TTN: variants seen among roughly 807,000 people sequenced by gnomAD.
The protein encoded by TTN is connectin.
TTN carries 1,525 observed loss-of-function variants against 3,223.0 expected under a neutral mutation model. The ratio of observed to expected loss-of-function variants is 0.47; its 90% CI spans 0.45 to 0.49. TTN has a LOEUF of 0.49. TTN is among the 20% of genes least tolerant of loss of function. The probability of loss-of-function intolerance (pLI) is 0.00; values close to 1 mark genes in which losing one functional copy is unlikely to be tolerated. For synonymous variants in TTN, 14,094 were observed against 15,161.0 expected, an observed-to-expected ratio of 0.93 and a Z score of 5.17; for missense variants, 40,786 against 43,424.0, an observed-to-expected ratio of 0.94 and a Z score of 5.40.
At position 178,585,006 on chromosome 2, in the gene TTN, A is replaced by T. The variant is rs745815160; in HGVS notation, c.64673-38T>A. 1.9e-6 allele frequency: 3 copies of T among 1,606,378 alleles called. No individual in the cohort carries two copies. The Admixed American group carries it at 5.2e-5, about 28-fold the overall frequency. ...AGAGGAAAGAAATGTAAGAACAAGG[A>T]TTTGATACGTAAAAATATTTCTGAG... On this transcript the variant is annotated intron_variant, in intron 309 of 362. Coordinates refer to ENST00000589042, the MANE Select transcript of TTN (RefSeq NM_001267550.2).
chr2:178,663,955 A>T, intron 169 of TTN, 53 bp from the exon 170 acceptor site: 1 of 1,612,638 alleles, frequency 6.2e-7, no homozygotes, highest in Non-Finnish European at 8.5e-7. Context: ...CCGCTAGAAA[A>T]AAATATTGTC....
intron 33 of TTN, 128 bp from the exon 34 acceptor site, chr2:178,771,599 T>C (rs1287144615): frequency 1.5e-6 from 2 of 1,362,722 alleles, no homozygotes; most frequent in Non-Finnish European, 2.0e-6. Flanking sequence ...TGTCTATGAT[T>C]GTTTTTACCC....
At position 178,699,383 on chromosome 2, in the gene TTN, C is replaced by CTTTTTTTTTTTT. The variant is rs59989386; in HGVS notation, c.30683-481_30683-470dup. 2.7e-4 allele frequency among the ~76,000 whole-genome samples: 12 copies of CTTTTTTTTTTTT among 44,912 alleles called. 4 individuals carry two copies. Among genetic ancestry groups the CTTTTTTTTTTTT allele is most frequent in the Non-Finnish European group, 3.5e-4 (8 of 22,892 alleles). 29.5% of individuals were successfully genotyped at this position (44,912 alleles called of 152,430 possible). A position where few individuals can be genotyped will look rare whatever the true frequency, so the allele number is the denominator to read the frequency against. ...TTTGTATTCATGAATAAATAACACT[C>CTTTTTTTTTTTT]TTTTTTTTTTTTTTTTTTTTTTTTT... On this transcript the variant is annotated intron_variant, in intron 111 of 362. Coordinates refer to ENST00000589042, the MANE Select transcript of TTN (RefSeq NM_001267550.2).
At position 178,561,638 on chromosome 2, in the gene TTN, T is replaced by C. The variant is rs876658088; in HGVS notation, c.84494A>G (p.His28165Arg). The C allele has an allele frequency of 1.4e-5, 23 of 1,611,178 alleles. No individual in the cohort carries two copies. Among genetic ancestry groups the C allele is most frequent in the Non-Finnish European group, 2.0e-5 (23 of 1,178,588 alleles). ...PGPPGTPKVV[H>R]ATKSTMLVTW... is the part of the protein sequence containing the mutation. ...TACAAGCATGGTAGATTTTGTGGCA[T>C]GCACAACTTTAGGAGTACCAGGAGG... is the stretch of plus-strand genomic sequence containing the variant. Residue 28165 changes from histidine to arginine, a missense_variant, in exon 326 of 363, where the codon CAT becomes CGT. Coordinates refer to ENST00000589042, the MANE Select transcript of TTN (RefSeq NM_001267550.2).
chr2:178,751,268 G>T (rs747399267), intron 47 of TTN: 6 of 1,609,446 alleles, frequency 3.7e-6, no homozygotes, highest in Non-Finnish European at 4.2e-6. Context: ...CTCCATTAAT[G>T]TTTTTCTAGC....
Position 178,720,556 on chromosome 2 carries a change from C to A in TTN, c.23206G>T (p.Val7736Phe), listed in dbSNP as rs770301886. Residue 7736 changes from valine to phenylalanine, a missense_variant, in exon 80 of 363, where the codon GTT becomes TTT. Transcript: ENST00000589042. ...SGTPPFEVVW[V>F]KDRKQVRNSK... ...TTTCTAACCTGCTTTCGATCTTTAACCCATACTACTTCAAATGGGGGAGTT... is the reference window on the plus strand; with the variant it reads ...TTTCTAACCTGCTTTCGATCTTTAAACCATACTACTTCAAATGGGGGAGTT... 3.1e-6 allele frequency: 5 copies of A among 1,613,366 alleles called. No homozygotes were observed. The highest frequency in any genetic ancestry group is 3.3e-5 in the Admixed American group (2 of 59,980).
rs1357962957 is a variant in TTN, at chr2:178,733,030, G to T, written c.16146C>A (p.Gly5382=). The T allele has an allele frequency of 6.2e-7, 1 of 1,613,366 alleles. No individual in the cohort carries two copies. Among genetic ancestry groups the T allele is most frequent in the African/African-American group, 1.3e-5 (1 of 74,902 alleles). ...GTCRLDCKIA[G]SLPMRVSWFK... is the part of the protein sequence containing the mutation. Reference sequence around the variant, plus strand: ...ACCAGGACACCCTCATGGGGAGGGAGCCTGCAATTTTGCAGTCCAGTCTGC... The same window carrying T: ...ACCAGGACACCCTCATGGGGAGGGATCCTGCAATTTTGCAGTCCAGTCTGC... The change falls in exon 55 of 363, where the codon GGC becomes GGA. Residue 5382 remains glycine, a synonymous_variant. Coordinates refer to ENST00000589042, the MANE Select transcript of TTN (RefSeq NM_001267550.2).
chr2:178,721,402 T>C (rs1260834669), intron 78 of TTN, among the ~76,000 whole-genome samples, 200 bp from the exon 79 acceptor site: 1 of 151,926 alleles, frequency 6.6e-6, no homozygotes, highest in Non-Finnish European at 1.5e-5. Context: ...TTTTTTAAAA[T>C]TTATTATTAT....
Position 178,553,198 on chromosome 2 carries a change from TGAG to T in TTN, c.89699_89701del (p.Pro29900del). 1 of 1,613,826 alleles carries T rather than the reference TGAG, an allele frequency of 6.2e-7. No homozygotes were observed. Among genetic ancestry groups the T allele is most frequent in the Middle Eastern group, 1.7e-4 (1 of 6,060 alleles). On this transcript the variant is annotated inframe_deletion, in exon 335 of 363. Coordinates refer to ENST00000589042, the MANE Select transcript of TTN (RefSeq NM_001267550.2). Reference sequence around the variant, plus strand: ...TTTTCCTGTATCATTGCGAGTAACTTGAGGAATGGTGAGTAATGAGGATGAATC... The same window carrying T: ...TTTTCCTGTATCATTGCGAGTAACTTGAATGGTGAGTAATGAGGATGAATC...
Position 178,725,488 on chromosome 2 carries a change from C to G in TTN, c.20716G>C (p.Val6906Leu). 6.2e-7 allele frequency: 1 copy of G among 1,613,354 alleles called. No homozygotes were observed. Among genetic ancestry groups the G allele is most frequent in the Non-Finnish European group, 8.5e-7 (1 of 1,179,544 alleles). Residue 6906 changes from valine to leucine, a missense_variant, in exon 71 of 363, where the codon GTG becomes CTG. Coordinates refer to ENST00000589042, the MANE Select transcript of TTN (RefSeq NM_001267550.2). ...AACTGTAGAGTTGCAACATTTTCCA[C>G]AAATGTAATCCTGATGTTTTCACTT... ...RESENIRITF[V>L]ENVATLQFAK... is the part of the protein sequence containing the mutation.
In TTN at chr2:178,597,782, A is replaced by C. The variant is rs876658069; in HGVS notation, c.57300T>G (p.Asp19100Glu). ...CCCCTCCAGCATGGACAACAATTCTATCTCTGACACTGGCATCTAGCTGAA... is the reference window on the plus strand; with the variant it reads ...CCCCTCCAGCATGGACAACAATTCTCTCTCTGACACTGGCATCTAGCTGAA... The part of the protein sequence containing the change: ...PDLQLDASVR[D>E]RIVVHAGGVI... The change falls in exon 294 of 363, where the codon GAT (aspartate) becomes GAG (glutamate). Residue 19100 changes from aspartate (D) to glutamate (E), a missense_variant. Asp to Glu is a conservative substitution (Grantham distance 45, BLOSUM62 2). Transcript: ENST00000589042. 1.7e-5 allele frequency: 28 copies of C among 1,613,142 alleles called. No homozygotes were observed. The highest frequency in any genetic ancestry group is 1.6e-4 in the Middle Eastern group (1 of 6,072).
intron 213 of TTN, 82 bp from the exon 214 acceptor site, chr2:178,647,546 G>T: frequency 7.5e-7 from 1 of 1,325,498 alleles, no homozygotes; most frequent in African/African-American, 1.5e-5. Context: ...GAATGCAGGG[G>T]CAAGAGCTTC....
At chr2:178,765,833 C>T (rs2090287558) in intron 41 of TTN, among the ~76,000 whole-genome samples, 2 of 152,154 alleles carry the variant, frequency 1.3e-5, no homozygotes, top group South Asian at 2.1e-4. Context: ...CTCAGAGGCT[C>T]CTCAGGAGTG....
chr2:178,669,757 C>G, intron 157 of TTN, 82 bp from the exon 158 acceptor site: 1 of 1,387,712 alleles, frequency 7.2e-7, no homozygotes, highest in South Asian at 1.2e-5. Context: ...GGGCATCTAA[C>G]AAGATGAACG....
At position 178,723,181 on chromosome 2, in the gene TTN, A is replaced by T. The variant is rs1362677027; in HGVS notation, c.21826T>A (p.Cys7276Ser). Residue 7276 changes from cysteine to serine, a missense_variant, in exon 75 of 363, where the codon TGT becomes AGT. Cys to Ser is a moderately radical substitution (Grantham distance 112, BLOSUM62 -1). Transcript: ENST00000589042. Reference sequence around the variant, plus strand: ...GTTTTCTCTGTTGTGACTATGTTACATTTTTCAGAGGTAGTTATGTTAAAA... The same window carrying T: ...GTTTTCTCTGTTGTGACTATGTTACTTTTTTCAGAGGTAGTTATGTTAAAA... ...DGFNITTSEK[C>S]NIVTTEKTCI... The T allele has an allele frequency of 2.5e-6, 4 of 1,613,330 alleles. No homozygotes were observed. Among genetic ancestry groups the T allele is most frequent in the Non-Finnish European group, 3.4e-6 (4 of 1,179,624 alleles).
chr2:178,633,520 T>A lies in TTN; in HGVS notation c.42839A>T (p.Asp14280Val), dbSNP rs181902304. ...VPSPKYSIKADGLRRILKIKK... is the reference protein window; with the variant it reads ...VPSPKYSIKAVGLRRILKIKK... Reference sequence around the variant, plus strand: ...GATTTTTAAGATGCGGCGCAGGCCATCTGCCTTGATAGAATATTTGGGTGA... The same window carrying A: ...GATTTTTAAGATGCGGCGCAGGCCAACTGCCTTGATAGAATATTTGGGTGA... Residue 14280 changes from aspartate to valine, a missense_variant, in exon 232 of 363, where the codon GAT becomes GTT. Transcript: ENST00000589042. 6.2e-7 allele frequency: 1 copy of A among 1,613,404 alleles called. No homozygotes were observed. The highest frequency in any genetic ancestry group is 2.2e-5 in the East Asian group (1 of 44,750).
intron 360 of TTN, 30 bp from the exon 361 acceptor site, chr2:178,528,457 TG>T (rs1558966330): frequency 1.2e-6 from 2 of 1,607,082 alleles, no homozygotes; most frequent in Admixed American, 3.4e-5. Context: ...AAAGAAATGT[TG>T]AAGTTCTTCA....
rs971215125 is a variant in TTN, at chr2:178,644,747, C to T, written c.40409-131G>A. On this transcript the variant is annotated intron_variant, in intron 217 of 362. Transcript: ENST00000589042. The stretch of plus-strand genomic sequence containing the variant: ...AGCATTAATAACAGCCAAGAACAGC[C>T]TTCAAAGAACATACAAGCAGCATTC... 4 of 626,062 alleles carry T rather than the reference C, an allele frequency of 6.4e-6. No individual in the cohort carries two copies. The African/African-American group carries it at 7.8e-5, about 12-fold the overall frequency. 38.8% of individuals were successfully genotyped at this position (626,062 alleles called of 1,614,324 possible).
intron 259 of TTN, 21 bp downstream of exon 259, chr2:178,615,286 C>A: frequency 6.2e-7 from 1 of 1,611,596 alleles, no homozygotes; most frequent in Non-Finnish European, 8.5e-7. Flanking sequence ...CATTTACTCT[C>A]ATGCCAAATT....
Sources: allele counts gnomAD v4.1 joint callset (sites outside exome capture counted in the v4.1 genomes callset), GRCh38; gene constraint gnomAD v4.1.1; transcripts MANE v1.5; gene names NCBI Gene and HGNC (gene_info 2026-07-23, HGNC 2026-07-21).